ASCC3: variants seen among roughly 807,000 people sequenced by gnomAD.
ASCC3 encodes ASC-1 complex subunit P200.
A neutral mutation model predicts 256.3 loss-of-function variants in ASCC3; 158 were observed. That is an observed-to-expected ratio of 0.62 (90% CI 0.54 to 0.70). The LOEUF (loss-of-function observed/expected upper bound fraction) is 0.70, where lower values mean the gene tolerates loss of function less well. Among genes scored for constraint, ASCC3 ranks in the 30% least tolerant of loss-of-function variants. The pLI is 0.00. For synonymous variants in ASCC3, 948 were observed against 883.4 expected (o/e 1.07, Z -1.30); for missense variants, 2,259 against 2,626.0 (o/e 0.86, Z 3.05).
chr6:100,679,484 A>G (rs1428969839), intron 14 of ASCC3, 134 bp downstream of exon 14: 2 of 1,261,876 alleles, frequency 1.6e-6, no homozygotes, highest in East Asian at 4.7e-5. Flanking sequence ...AGTCAAGAAA[A>G]AAGTCAAGAT....
At chr6:100,665,475 A>C (rs746081420) in intron 14 of ASCC3, among the ~76,000 whole-genome samples, 2 of 152,046 alleles carry the variant, frequency 1.3e-5, no homozygotes, top group African/African-American at 4.8e-5. Flanking sequence ...CTGTAATCCT[A>C]GCACTTTGGA....
At chr6:100,858,772 GC>G in intron 3 of ASCC3, 1 of 856,788 alleles carries the variant, frequency 1.2e-6, no homozygotes, top group Non-Finnish European at 1.5e-6. Flanking sequence ...CTCTTACATA[GC>G]CACAACATTA....
rs912501429 is a variant in ASCC3, at chr6:100,859,029, T to G, written c.241+5035A>C. ...ATAGATTTCTTTGTACTTAAGGTTTTTAATTACAGATTAAATTCCTTTAAT... is the reference window on the plus strand; with the variant it reads ...ATAGATTTCTTTGTACTTAAGGTTTGTAATTACAGATTAAATTCCTTTAAT... On this transcript the variant is annotated intron_variant, in intron 3 of 41. Coordinates refer to ENST00000369162, the MANE Select transcript of ASCC3 (RefSeq NM_006828.4). 52 of 725,206 alleles carry G rather than the reference T, an allele frequency of 7.2e-5. No homozygotes were observed. In the Admixed American group the frequency reaches 1.0e-3, roughly 14 times the overall value. 44.9% of individuals were successfully genotyped at this position (725,206 alleles called of 1,614,324 possible).
At chr6:100,605,363 T>C (rs1772829251) in intron 33 of ASCC3, among the ~76,000 whole-genome samples, 1 of 152,166 alleles carries the variant, frequency 6.6e-6, no homozygotes, top group Admixed American at 6.6e-5. Context: ...CTGAACACTG[T>C]ACTATACTGC....
At chr6:100,511,393 G>C (rs930522136) in intron 40 of ASCC3, among the ~76,000 whole-genome samples, 3 of 152,020 alleles carry the variant, frequency 2.0e-5, no homozygotes, top group Non-Finnish European at 4.4e-5. Flanking sequence ...ACTCCAGCCT[G>C]GATAACATAA....
At chr6:100,627,749 A>G (rs1438312409) in intron 28 of ASCC3, 39 bp from the exon 29 acceptor site, 4 of 1,608,372 alleles carry the variant, frequency 2.5e-6, no homozygotes, top group Non-Finnish European at 3.4e-6. Context: ...TTCAATTTTT[A>G]TATTGAATTT....
At chr6:100,603,885 T>C (rs1772750773) in intron 33 of ASCC3, among the ~76,000 whole-genome samples, 1 of 152,092 alleles carries the variant, frequency 6.6e-6, no homozygotes, top group Admixed American at 6.6e-5. Context: ...AGACGTTTGT[T>C]ATATTCCCTT....
At chr6:100,764,365 A>G (rs11752659) in intron 10 of ASCC3, among the ~76,000 whole-genome samples, 71,257 of 152,004 alleles carry the variant, frequency 0.47, 16,854 homozygotes, top group South Asian at 0.6. Context: ...AGATACTAAG[A>G]AAAAGGAGAA....
chr6:100,579,321 T>C (rs550105692), intron 36 of ASCC3, among the ~76,000 whole-genome samples: 131 of 152,270 alleles, frequency 8.6e-4, no homozygotes, highest in Non-Finnish European at 1.5e-3. Flanking sequence ...TAGTTTGTTT[T>C]ATTATGCAGA....
intron 14 of ASCC3, among the ~76,000 whole-genome samples, chr6:100,665,891 G>A (rs1017406281): frequency 2.0e-5 from 3 of 151,728 alleles, no homozygotes; most frequent in Non-Finnish European, 4.4e-5. Flanking sequence ...AGACATATTT[G>A]TGTTAGATTT....
At chr6:100,710,639 C>A (rs1778813956) in intron 13 of ASCC3, among the ~76,000 whole-genome samples, 1 of 152,062 alleles carries the variant, frequency 6.6e-6, no homozygotes, top group African/African-American at 2.4e-5. Context: ...GCATCTTAGT[C>A]CCTACTACAG....
intron 8 of ASCC3, among the ~76,000 whole-genome samples, chr6:100,778,333 CT>C: frequency 6.6e-6 from 1 of 152,174 alleles, no homozygotes; most frequent in Non-Finnish European, 1.5e-5. Context: ...GGTAGTGATT[CT>C]TCCAAAATTA....
rs796184175 is a variant in ASCC3, at chr6:100,536,557, T to C, written c.5775+3606A>G. The stretch of plus-strand genomic sequence containing the variant: ...AGCACAGTGGCTTGATCATGGCTCA[T>C]TGCAGCCTTGACCTCCTGGGTTCAA... On this transcript the variant is annotated intron_variant, in intron 37 of 41. Transcript: ENST00000369162. Among the ~76,000 whole-genome samples the C allele has an allele frequency of 7.2e-5, 11 of 152,208 alleles. No homozygotes were observed. The South Asian group carries it at 1.2e-3, about 17-fold the overall frequency.
chr6:100,554,293 T>C (rs1451759031), intron 36 of ASCC3, among the ~76,000 whole-genome samples: 1 of 152,198 alleles, frequency 6.6e-6, no homozygotes, highest in Non-Finnish European at 1.5e-5. Context: ...CAGTAACTAT[T>C]AGTGTCTGCT....
At chr6:100,824,794 C>A (rs1042053696) in intron 4 of ASCC3, among the ~76,000 whole-genome samples, 3 of 151,958 alleles carry the variant, frequency 2.0e-5, no homozygotes, top group African/African-American at 7.2e-5. Context: ...TAAAACTCTG[C>A]AATTAGATTT....
intron 36 of ASCC3, among the ~76,000 whole-genome samples, chr6:100,561,486 T>A (rs1769949564): frequency 6.6e-6 from 1 of 152,142 alleles, no homozygotes; most frequent in Non-Finnish European, 1.5e-5. Flanking sequence ...TGCTTTTAAG[T>A]TTCAGTCTGG....
At chr6:100,743,865 T>C (rs998186586) in intron 10 of ASCC3, among the ~76,000 whole-genome samples, 1 of 152,182 alleles carries the variant, frequency 6.6e-6, no homozygotes, top group Non-Finnish European at 1.5e-5. Context: ...TACACATTAA[T>C]ACTCACAAAT....
chr6:100,696,555 T>C (rs949834124), intron 13 of ASCC3, among the ~76,000 whole-genome samples: 2 of 151,966 alleles, frequency 1.3e-5, no homozygotes, highest in Non-Finnish European at 2.9e-5. Context: ...GGAGATTCAA[T>C]ACATCATTCT....
chr6:100,598,870 G>A (rs1458534568), intron 34 of ASCC3, among the ~76,000 whole-genome samples: 1 of 152,094 alleles, frequency 6.6e-6, no homozygotes, highest in African/African-American at 2.4e-5. Flanking sequence ...TACAAAGTAG[G>A]CAAAATTGAA....
Sources: allele counts gnomAD v4.1 joint callset (sites outside exome capture counted in the v4.1 genomes callset), GRCh38; gene constraint gnomAD v4.1.1; transcripts MANE v1.5; gene names NCBI Gene and HGNC (gene_info 2026-07-23, HGNC 2026-07-21).